DIO1: variants seen among roughly 807,000 people sequenced by gnomAD.
DIO1 encodes iodothyronine deiodinase 1.
A neutral mutation model predicts 25.9 loss-of-function variants in DIO1; 17 were observed. The observed-to-expected ratio is 0.66, with a 90% confidence interval of 0.45 to 0.98. The LOEUF is 0.98. DIO1 is among the 50% of genes least tolerant of loss of function. The pLI is 0.00. For synonymous variants in DIO1, 115 were observed against 114.0 expected, an observed-to-expected ratio of 1.01 and a Z score of -0.05; for missense variants, 270 against 310.4, an observed-to-expected ratio of 0.87 and a Z score of 0.98.
chr1:53,903,573 G>A (rs1388542297), intron 1 of DIO1, among the ~76,000 whole-genome samples: 1 of 151,938 alleles, frequency 6.6e-6, no homozygotes, highest in African/African-American at 2.4e-5. Flanking sequence ...TTCAGGCTGG[G>A]CACGGTGGCT....
intron 1 of DIO1, among the ~76,000 whole-genome samples, chr1:53,903,514 G>A (rs181762861): frequency 3.3e-5 from 5 of 151,920 alleles, no homozygotes; most frequent in African/African-American, 9.7e-5. Flanking sequence ...TAAAAGACAC[G>A]ATGCCAGGTC....
At position 53,901,030 on chromosome 1, in the gene DIO1, G is replaced by C. The variant is rs117619214; in HGVS notation, c.338-3636G>C. On this transcript the variant is annotated intron_variant, in intron 1 of 3. Coordinates refer to ENST00000361921, the MANE Select transcript of DIO1 (RefSeq NM_000792.7). ...TTTTTTTCAGAGATAAGGTCTCACTGTGTTGCCCAGGGTGGTCTTGAACTC... is the reference window on the plus strand; with the variant it reads ...TTTTTTTCAGAGATAAGGTCTCACTCTGTTGCCCAGGGTGGTCTTGAACTC... 8.7e-5 allele frequency among the ~76,000 whole-genome samples: 10 copies of C among 115,180 alleles called. No homozygotes were observed. In the East Asian group the frequency reaches 2.7e-3, roughly 32 times the overall value. The allele number at this position is 115,180 out of a possible 152,430, so 75.6% of individuals were successfully genotyped here. A position where few individuals can be genotyped will look rare whatever the true frequency, so the allele number is the denominator to read the frequency against.
chr1:53,904,663 C>T lies in DIO1; in HGVS notation c.338-3C>T. ...CAGTTTGTGATGGTTGTTGCTGTTT[C>T]AGGTAATAGGCCACTGGTGCTGAAT... On this transcript the variant is annotated splice_region_variant and splice_polypyrimidine_tract_variant and intron_variant, in intron 1 of 3. Transcript: ENST00000361921. The T allele has an allele frequency of 1.2e-6, 2 of 1,611,698 alleles. No homozygotes were observed. The highest frequency in any genetic ancestry group is 1.3e-5 in the African/African-American group (1 of 74,862).
chr1:53,905,004 G>T, intron 2 of DIO1, 195 bp downstream of exon 2: 1 of 544,520 alleles, frequency 1.8e-6, no homozygotes, highest in East Asian at 3.2e-5. Flanking sequence ...TTCAACCAGG[G>T]TACAGAGAGC....
chr1:53,894,310 C>G lies in DIO1; in HGVS notation c.100C>G (p.Pro34Ala). ...VVGKVLLILFPDRVKRNILAM... is the reference protein window; with the variant it reads ...VVGKVLLILFADRVKRNILAM... Reference sequence around the variant, plus strand: ...GGGTAAAGTGCTTCTGATATTGTTTCCAGACAGAGTCAAGCGGAACATCCT... The same window carrying G: ...GGGTAAAGTGCTTCTGATATTGTTTGCAGACAGAGTCAAGCGGAACATCCT... Residue 34 changes from proline (P) to alanine (A), a missense_variant, in exon 1 of 4, where the codon CCA becomes GCA. Transcript: ENST00000361921. The surrounding 1 kb of genome is among the most constrained non-coding windows in gnomAD (Gnocchi z 4.9). 6.2e-7 allele frequency: 1 copy of G among 1,614,228 alleles called. No individual in the cohort carries two copies. Among genetic ancestry groups the G allele is most frequent in the Non-Finnish European group, 8.5e-7 (1 of 1,180,044 alleles).
chr1:53,905,998 C>A, intron 2 of DIO1, 97 bp from the exon 3 acceptor site: 1 of 1,133,686 alleles, frequency 8.8e-7, no homozygotes, highest in Non-Finnish European at 1.3e-6. Context: ...TTGCCAAGGG[C>A]TCCTCTGAGA....
chr1:53,904,612 G>T (rs1410835913), intron 1 of DIO1, 54 bp from the exon 2 acceptor site: 1 of 1,585,418 alleles, frequency 6.3e-7, no homozygotes, highest in African/African-American at 1.4e-5. Flanking sequence ...AATGGTGCTT[G>T]TAAAAGAAAG....
At chr1:53,900,083 C>G (rs951927882) in intron 1 of DIO1, among the ~76,000 whole-genome samples, 6 of 152,224 alleles carry the variant, frequency 3.9e-5, no homozygotes, top group Non-Finnish European at 7.3e-5. Context: ...AAGAAAAAGT[C>G]TGACCCAAGG....
Position 53,898,744 on chromosome 1 carries a change from C to CAAAAAA in DIO1, c.337+4211_337+4216dup, listed in dbSNP as rs60469690. ...TGGGCAACAAAGCGAGACTCTGTCT[C>CAAAAAA]AAAAAAAAAAAAAAAAAAAGAGACA... On this transcript the variant is annotated intron_variant, in intron 1 of 3. Transcript: ENST00000361921. 6.5e-4 allele frequency among the ~76,000 whole-genome samples: 69 copies of CAAAAAA among 106,600 alleles called. 2 individuals are homozygous for CAAAAAA. The highest frequency in any genetic ancestry group is 2.5e-3 in the African/African-American group (68 of 27,282). 69.9% of individuals were successfully genotyped at this position (106,600 alleles called of 152,430 possible).
intron 1 of DIO1, chr1:53,903,221 G>A (rs556818399): frequency 6.6e-6 from 1 of 152,150 alleles, no homozygotes; most frequent in South Asian, 2.1e-4. Flanking sequence ...TTCGCCAAGT[G>A]ACTGAGGGTG....
chr1:53,902,772 A>C (rs2100771077), intron 1 of DIO1, among the ~76,000 whole-genome samples: 1 of 151,958 alleles, frequency 6.6e-6, no homozygotes, highest in South Asian at 2.1e-4. Context: ...AGTGAATCAC[A>C]CAGGGACCTA....
intron 1 of DIO1, among the ~76,000 whole-genome samples, chr1:53,902,180 C>A (rs923562240): frequency 6.6e-6 from 1 of 151,746 alleles, no homozygotes; most frequent in Non-Finnish European, 1.5e-5. Flanking sequence ...TCTCCCTTTT[C>A]CCATGGCTGG....
At chr1:53,906,702 G>C (rs1651674897) in intron 3 of DIO1, among the ~76,000 whole-genome samples, 1 of 151,760 alleles carries the variant, frequency 6.6e-6, no homozygotes, top group Non-Finnish European at 1.5e-5. Context: ...TGTTGCCCAG[G>C]CTGGAGTGCA....
intron 1 of DIO1, among the ~76,000 whole-genome samples, chr1:53,897,520 G>A (rs1261573012): frequency 6.8e-6 from 1 of 147,052 alleles, no homozygotes; most frequent in Non-Finnish European, 1.5e-5. Context: ...AAACTGTTCA[G>A]TTTGTCTCTG....
At position 53,894,607 on chromosome 1, in the gene DIO1, A is replaced by T; in HGVS notation, c.337+60A>T. The T allele has an allele frequency of 6.7e-7, 1 of 1,481,700 alleles. No individual in the cohort carries two copies. Among genetic ancestry groups the T allele is most frequent in the South Asian group, 1.3e-5 (1 of 79,796 alleles). 91.8% of individuals were successfully genotyped at this position (1,481,700 alleles called of 1,614,324 possible). ...AAATAGCAGTGGTAGAGGGGGATGA[A>T]GAGATGGGTTGGAAAGTCCTGAATT... On this transcript the variant is annotated intron_variant, in intron 1 of 3. Transcript: ENST00000361921. This position sits in a 1 kb window ranked among gnomAD's most constrained non-coding sequence, Gnocchi z 4.9.
intron 2 of DIO1, among the ~76,000 whole-genome samples, chr1:53,905,307 T>TG (rs149338552): frequency 0.18 from 27,047 of 151,582 alleles, 3,889 homozygotes; most frequent in African/African-American, 0.4. Context: ...TCCAAGTAGC[T>TG]GTACTGCAGG....
chr1:53,907,048 C>A (rs537783027), intron 3 of DIO1, among the ~76,000 whole-genome samples: 1 of 152,202 alleles, frequency 6.6e-6, no homozygotes, highest in Admixed American at 6.5e-5. Flanking sequence ...AGCCCTTGAT[C>A]GGGTGGGCCA....
intron 1 of DIO1, among the ~76,000 whole-genome samples, chr1:53,904,165 G>A (rs1327002929): frequency 6.6e-6 from 1 of 152,186 alleles, no homozygotes; most frequent in African/African-American, 2.4e-5. Context: ...CCCCCCTTGT[G>A]GATGAGGAAA....
chr1:53,906,036 A>C (rs1651636316), intron 2 of DIO1, 59 bp from the exon 3 acceptor site: 3 of 1,521,688 alleles, frequency 2.0e-6, no homozygotes, highest in Non-Finnish European at 1.8e-6. Context: ...GGGGCTATTT[A>C]GTCTGCAGGA....
Sources: allele counts gnomAD v4.1 joint callset (sites outside exome capture counted in the v4.1 genomes callset), GRCh38; gene constraint gnomAD v4.1.1; non-coding constraint Gnocchi (gnomAD v3.1); transcripts MANE v1.5; gene names NCBI Gene and HGNC (gene_info 2026-07-23, HGNC 2026-07-21).